Variants in C18orf63 observed in about 807,000 individuals in gnomAD.
The protein encoded by C18orf63 is uncharacterized protein C18orf63.
In C18orf63, 50 loss-of-function variants were observed where a neutral mutation model predicts 75.3. The ratio of observed to expected loss-of-function variants is 0.66; its 90% CI spans 0.53 to 0.84. The LOEUF is 0.84. Ranked by LOEUF, C18orf63 falls within the 40% of genes least tolerant of loss-of-function variation. The probability of loss-of-function intolerance (pLI) is 0.00; values close to 1 mark genes in which losing one functional copy is unlikely to be tolerated. For missense variants in C18orf63, 732 were observed against 800.2 expected (o/e 0.91, Z 1.03); for synonymous variants, 232 against 267.6 (o/e 0.87, Z 1.30).
rs1294413635 is a variant in C18orf63, at chr18:74,330,983, A to G, written c.501+41A>G. Reference sequence around the variant, plus strand: ...ATTTCTATACTTTATTATATTTACTATATACTTTTTATATTTATTATTGTT... The same window carrying G: ...ATTTCTATACTTTATTATATTTACTGTATACTTTTTATATTTATTATTGTT... On this transcript the variant is annotated intron_variant, in intron 7 of 13. Transcript: ENST00000579455. 8.9e-6 allele frequency: 7 copies of G among 789,776 alleles called. No individual in the cohort carries two copies. The East Asian group carries it at 1.6e-4, about 18-fold the overall frequency. 48.9% of individuals were successfully genotyped at this position (789,776 alleles called of 1,614,324 possible).
intron 13 of C18orf63, among the ~76,000 whole-genome samples, chr18:74,355,923 G>T (rs535706312): frequency 1.5e-4 from 23 of 152,130 alleles, no homozygotes; most frequent in Non-Finnish European, 3.1e-4. Context: ...GCTGGGCGTG[G>T]TGGTGCATGC....
At chr18:74,339,962 GTATC>G (rs1984452575) in intron 8 of C18orf63, among the ~76,000 whole-genome samples, 1 of 152,070 alleles carries the variant, frequency 6.6e-6, no homozygotes, top group African/African-American at 2.4e-5. Context: ...TGAAAACTAC[GTATC>G]TGTGAAAAAG....
chr18:74,340,711 T>C (rs546350883), intron 8 of C18orf63, among the ~76,000 whole-genome samples: 51 of 151,876 alleles, frequency 3.4e-4, no homozygotes, highest in African/African-American at 1.2e-3. Context: ...GCAACATGGA[T>C]GAATCTAAGG....
rs1599010862 is a variant in C18orf63, at chr18:74,353,835, C to T, written c.1568C>T (p.Thr523Ile). The T allele has an allele frequency of 3.9e-6, 6 of 1,534,722 alleles. No homozygotes were observed. Among genetic ancestry groups the T allele is most frequent in the Non-Finnish European group, 5.2e-6 (6 of 1,145,910 alleles). ...EKNTESSENM[T>I]KFPSSRGKST... is the part of the protein sequence containing the mutation. ...AATACAGAGTCTTCTGAAAATATGA[C>T]AAAATTTCCCTCTTCTCGTGGAAAA... Residue 523 changes from threonine (T) to isoleucine (I), a missense_variant, in exon 12 of 14, where the codon ACA becomes ATA. Physicochemically the swap from Thr to Ile is moderately conservative, Grantham distance 89. Around this residue, in one of 3 missense-constraint regions of C18orf63, gnomAD observed 495 missense variants for 508.7 expected, o/e 0.97. Transcript: ENST00000579455.
At chr18:74,328,709 G>C (rs1288753228) in intron 5 of C18orf63, among the ~76,000 whole-genome samples, 1 of 152,164 alleles carries the variant, frequency 6.6e-6, no homozygotes, top group Non-Finnish European at 1.5e-5. Context: ...TGTTAAAACT[G>C]AGAAGCTATC....
rs1432547701 is a variant in C18orf63 at position 74,353,663 on chromosome 18, T to C, written c.1396T>C (p.Ser466Pro). 9 of 1,536,118 alleles carry C rather than the reference T, an allele frequency of 5.9e-6. No homozygotes were observed. Among genetic ancestry groups the C allele is most frequent in the Non-Finnish European group, 7.0e-6 (8 of 1,146,890 alleles). The part of the protein sequence containing the change: ...PKRKQHDVTQ[S>P]KLFSLKTSMI... ...AAGAAAACAGCATGATGTGACACAA[T>C]CTAAATTGTTTTCACTCAAAACTAG... Residue 466 changes from serine to proline, a missense_variant, in exon 12 of 14, where the codon TCT (serine) becomes CCT (proline). Transcript: ENST00000579455.
chr18:74,321,520 G>C (rs991959735), intron 3 of C18orf63, among the ~76,000 whole-genome samples: 1 of 152,008 alleles, frequency 6.6e-6, no homozygotes, highest in South Asian at 2.1e-4. Context: ...TCCCAGGCTG[G>C]TCTCGAACTC....
At chr18:74,344,571 A>T (rs982155687) in intron 11 of C18orf63, among the ~76,000 whole-genome samples, 4 of 152,116 alleles carry the variant, frequency 2.6e-5, no homozygotes, top group African/African-American at 9.7e-5. Context: ...GACCACTACT[A>T]TGGAAATTAT....
Position 74,357,472 on chromosome 18 carries a change from AT to A in C18orf63, c.*1029del. The A allele has an allele frequency of 6.6e-6, 1 of 152,348 alleles. No individual in the cohort carries two copies. Among genetic ancestry groups the A allele is most frequent in the African/African-American group, 2.4e-5 (1 of 41,584 alleles). The allele number at this position is 152,348 out of a possible 1,614,324, so 9.4% of individuals were successfully genotyped here. ...ATGAATATTATTCTGGCTTTCAAACATTTTATATGTTTGATATACGAAATAT... is the reference window on the plus strand; with the variant it reads ...ATGAATATTATTCTGGCTTTCAAACATTTATATGTTTGATATACGAAATAT... On this transcript the variant is annotated 3_prime_UTR_variant, in exon 14 of 14. Coordinates refer to ENST00000579455, the MANE Select transcript of C18orf63 (RefSeq NM_001174123.2).
At chr18:74,319,410 A>T (rs749772090) in intron 2 of C18orf63, among the ~76,000 whole-genome samples, 13 of 151,778 alleles carry the variant, frequency 8.6e-5, no homozygotes, top group Non-Finnish European at 1.8e-4. Flanking sequence ...TTTTTAAGGT[A>T]ACCCCATACA....
intron 7 of C18orf63, among the ~76,000 whole-genome samples, chr18:74,335,458 T>C (rs1984376154): frequency 6.6e-6 from 1 of 152,082 alleles, no homozygotes; most frequent in Non-Finnish European, 1.5e-5. Flanking sequence ...ATTTCTCAAA[T>C]TTTGGACTGT....
chr18:74,339,879 T>A (rs1021758221), intron 8 of C18orf63, among the ~76,000 whole-genome samples: 1 of 152,126 alleles, frequency 6.6e-6, no homozygotes, highest in African/African-American at 2.4e-5. Context: ...TGAAAATAAT[T>A]TTGTCTGTAA....
intron 2 of C18orf63, 98 bp from the exon 3 acceptor site, chr18:74,320,415 C>G (rs1984100378): frequency 1.3e-6 from 1 of 779,646 alleles, no homozygotes; most frequent in African/African-American, 1.8e-5. Flanking sequence ...CACCAGGTCC[C>G]TTGCCAACAC....
chr18:74,340,305 C>T (rs946139894), intron 8 of C18orf63, among the ~76,000 whole-genome samples: 1 of 152,168 alleles, frequency 6.6e-6, no homozygotes, highest in South Asian at 2.1e-4. Flanking sequence ...TCACAATGAG[C>T]GATCACCTCA....
At chr18:74,340,958 A>G (rs1258318351) in intron 8 of C18orf63, among the ~76,000 whole-genome samples, 1 of 152,104 alleles carries the variant, frequency 6.6e-6, no homozygotes, top group Non-Finnish European at 1.5e-5. Flanking sequence ...TACTGACTAT[A>G]GTTAATAAAA....
rs1221108547 is a variant in C18orf63 at position 74,354,517 on chromosome 18, A to G, written c.*4A>G. 6 of 1,421,012 alleles carry G rather than the reference A, an allele frequency of 4.2e-6. No homozygotes were observed. Among genetic ancestry groups the G allele is most frequent in the African/African-American group, 1.4e-5 (1 of 70,028 alleles). The allele number at this position is 1,421,012 out of a possible 1,614,324, so 88.0% of individuals were successfully genotyped here. A position where few individuals can be genotyped will look rare whatever the true frequency, so the allele number is the denominator to read the frequency against. On this transcript the variant is annotated 3_prime_UTR_variant, in exon 13 of 14. Coordinates refer to ENST00000579455, the MANE Select transcript of C18orf63 (RefSeq NM_001174123.2). ...TCTCATCATTCATAATGCTTAGAACATGGACCTGAAAGAAGGAAATGTCTA... is the reference window on the plus strand; with the variant it reads ...TCTCATCATTCATAATGCTTAGAACGTGGACCTGAAAGAAGGAAATGTCTA...
chr18:74,328,678 A>G (rs1454763023), intron 5 of C18orf63, among the ~76,000 whole-genome samples: 1 of 152,198 alleles, frequency 6.6e-6, no homozygotes, highest in Non-Finnish European at 1.5e-5. Context: ...ACAAAGCAGT[A>G]TGATAAAATG....
chr18:74,352,456 C>A (rs1437829787), intron 11 of C18orf63, among the ~76,000 whole-genome samples: 3 of 149,058 alleles, frequency 2.0e-5, no homozygotes, highest in Non-Finnish European at 4.5e-5. Context: ...CTTTAAAAGA[C>A]TGTAAACGCT....
intron 13 of C18orf63, among the ~76,000 whole-genome samples, chr18:74,355,326 AT>A (rs34625127): frequency 0.5 from 75,755 of 151,978 alleles, 19,712 homozygotes; most frequent in Non-Finnish European, 0.58. Context: ...ACATCTTAAT[AT>A]TTTAATGCAC....
Sources: allele counts gnomAD v4.1 joint callset (sites outside exome capture counted in the v4.1 genomes callset), GRCh38; gene constraint gnomAD v4.1.1; regional missense constraint gnomAD v4.1.1; transcripts MANE v1.5; gene names NCBI Gene and HGNC (gene_info 2026-07-23, HGNC 2026-07-21).